The following STT3A variants were observed in gnomAD, a reference collection of about 807,000 sequenced individuals.
STT3A encodes dolichyl-diphosphooligosaccharide--protein glycosyltransferase subunit STT3A.
Under a neutral mutation model 89.2 loss-of-function variants are expected in STT3A, and 34 were observed. The observed-to-expected ratio is 0.38, with a 90% CI of 0.29 to 0.51. The LOEUF is 0.51. Ranked by LOEUF, STT3A falls within the 20% of genes least tolerant of loss-of-function variation. The pLI, the probability that STT3A is intolerant of heterozygous loss-of-function variation, is 0.89. For missense variants in STT3A, 555 were observed against 889.5 expected, an observed-to-expected ratio of 0.62 and a Z score of 4.78; for synonymous variants, 282 against 310.3, an observed-to-expected ratio of 0.91 and a Z score of 0.96.
intron 6 of STT3A, 57 bp from the exon 7 acceptor site, chr11:125,605,572 C>T: frequency 7.6e-7 from 1 of 1,314,024 alleles, no homozygotes; most frequent in East Asian, 2.3e-5. Flanking sequence ...GAACAGTATT[C>T]TTAATGACTA....
intron 2 of STT3A, 48 bp downstream of exon 2, chr11:125,596,051 AGTCT>A (rs1381929970): frequency 6.9e-7 from 1 of 1,443,300 alleles, no homozygotes; most frequent in Admixed American, 2.1e-5. Context: ...GAAAGAAGAA[AGTCT>A]AGAAAAAAAT....
rs1051716 is a variant in STT3A, at chr11:125,608,138, C to T, written c.810C>T (p.Ala270=). 5.0e-6 allele frequency: 8 copies of T among 1,612,928 alleles called. No homozygotes were observed. The highest frequency in any genetic ancestry group is 2.2e-5 in the East Asian group (1 of 44,878). The change falls in exon 9 of 18, where the codon GCC becomes GCT. Residue 270 remains alanine, a synonymous_variant. Coordinates refer to ENST00000392708, the MANE Select transcript of STT3A (RefSeq NM_152713.5). ...QPVLSSEHMA[A]FGVFGLCQIH... is the part of the protein sequence containing the mutation. ...TCCTTTCATCAGAGCACATGGCAGCCTTTGGGGTCTTTGGTCTCTGCCAGA... is the reference window on the plus strand; with the variant it reads ...TCCTTTCATCAGAGCACATGGCAGCTTTTGGGGTCTTTGGTCTCTGCCAGA...
chr11:125,621,050 A>AT lies in STT3A; in HGVS notation c.*247dup, dbSNP rs1163131392. The AT allele has an allele frequency of 1.3e-5, 5 of 398,380 alleles. No individual in the cohort carries two copies. The East Asian group carries it at 1.6e-4, about 12-fold the overall frequency. The allele number at this position is 398,380 out of a possible 1,614,324, so 24.7% of individuals were successfully genotyped here. On this transcript the variant is annotated 3_prime_UTR_variant, in exon 18 of 18. Transcript: ENST00000392708. ...TTACTTTGGTCAATTAAAGGGGGGAATTTTTTTAAAAAATGTGCCTTATTT... is the reference window on the plus strand; with the variant it reads ...TTACTTTGGTCAATTAAAGGGGGGAATTTTTTTTAAAAAATGTGCCTTATTT...
At position 125,618,455 on chromosome 11, in the gene STT3A, T is replaced by G. The variant is rs150432993; in HGVS notation, c.1857T>G (p.Thr619=). The G allele has an allele frequency of 6.2e-6, 10 of 1,613,794 alleles. No homozygotes were observed. The highest frequency in any genetic ancestry group is 8.5e-6 in the Non-Finnish European group (10 of 1,180,004). ...ATATCAAGGAGAATGACTATTATACTCCAACTGGGGAGTTCCGTGTGGACC... is the reference window on the plus strand; with the variant it reads ...ATATCAAGGAGAATGACTATTATACGCCAACTGGGGAGTTCCGTGTGGACC... ...GKHIKENDYY[T]PTGEFRVDRE... The change falls in exon 16 of 18, where the codon ACT becomes ACG. Residue 619 remains threonine (T), a synonymous_variant. Transcript: ENST00000392708.
chr11:125,606,169 G>A (rs1939829805), intron 7 of STT3A, 132 bp from the exon 8 acceptor site: 2 of 869,674 alleles, frequency 2.3e-6, no homozygotes, highest in East Asian at 2.5e-5. Context: ...AACTCTTTAA[G>A]CCATTTGGCA....
chr11:125,598,744 A>G (rs1297742225), intron 3 of STT3A, among the ~76,000 whole-genome samples: 1 of 152,138 alleles, frequency 6.6e-6, no homozygotes, highest in East Asian at 1.9e-4. Flanking sequence ...AGCTGGGACC[A>G]CAGGCATGTG....
At chr11:125,618,267 C>A (rs1283156650) in intron 15 of STT3A, 106 bp from the exon 16 acceptor site, 6 of 1,043,506 alleles carry the variant, frequency 5.7e-6, no homozygotes, top group Non-Finnish European at 8.1e-6. Context: ...TTAAATGATA[C>A]CAATCCCCAT....
chr11:125,612,191 C>G (rs1481985752), intron 11 of STT3A, among the ~76,000 whole-genome samples: 1 of 152,038 alleles, frequency 6.6e-6, no homozygotes, highest in Non-Finnish European at 1.5e-5. Flanking sequence ...CTCTTATATA[C>G]TTTAAATCAT....
chr11:125,615,465 C>A (rs1940152508), intron 15 of STT3A, among the ~76,000 whole-genome samples: 1 of 151,578 alleles, frequency 6.6e-6, no homozygotes, highest in Admixed American at 6.6e-5. Flanking sequence ...TGGGTTCAAC[C>A]AACCACAAAT....
chr11:125,606,517 CCAACTAGACTGAT>C (rs1445415889), intron 8 of STT3A, 52 bp downstream of exon 8: 9 of 1,535,674 alleles, frequency 5.9e-6, no homozygotes, highest in Middle Eastern at 3.5e-4. Flanking sequence ...CTATGCAGCC[CCAACTAGACTGAT>C]TTATCTTAGA....
chr11:125,615,527 TA>T (rs1321721628), intron 15 of STT3A, among the ~76,000 whole-genome samples: 11 of 151,996 alleles, frequency 7.2e-5, no homozygotes, highest in African/African-American at 2.4e-4. Context: ...ATCATACAAA[TA>T]AAAAATACAG....
chr11:125,611,753 G>T (rs979180113), intron 11 of STT3A, among the ~76,000 whole-genome samples: 2 of 150,852 alleles, frequency 1.3e-5, no homozygotes, highest in African/African-American at 4.9e-5. Flanking sequence ...AAGCATTTTT[G>T]CACTTTGTTG....
Position 125,604,123 on chromosome 11 carries a change from G to A in STT3A, c.418-34G>A, listed in dbSNP as rs188206689. ...TCTGTTCTTTCTCAGCATTGTATTG[G>A]TGTTAATGTCTTATTACCCTTTTTT... On this transcript the variant is annotated intron_variant, in intron 5 of 17. Transcript: ENST00000392708. 6,600 of 1,602,496 alleles carry A rather than the reference G, an allele frequency of 4.1e-3. 27 individuals are homozygous for A. Among genetic ancestry groups the A allele is most frequent in the Non-Finnish European group, 5.1e-3 (5,918 of 1,169,794 alleles).
At chr11:125,618,668 C>T in intron 16 of STT3A, 107 bp downstream of exon 16, 1 of 1,107,004 alleles carries the variant, frequency 9.0e-7, no homozygotes, top group South Asian at 1.7e-5. Context: ...TCTGTTAACT[C>T]ATTTAATCCT....
chr11:125,596,003 T>A lies in STT3A; in HGVS notation c.88T>A (p.Ser30Thr). ...LLILSMAAVL[S>T]FSTRLFAVLR... ...CATTCTGTCAATGGCTGCTGTATTA[T>A]GTGAGTGTGCATGTGAACCTCTCTT... is the stretch of plus-strand genomic sequence containing the variant. The change falls in exon 2 of 18, where the codon TCC (serine) becomes ACC (threonine). Residue 30 changes from serine to threonine, a missense_variant and splice_region_variant. Transcript: ENST00000392708. 2 of 1,609,558 alleles carry A rather than the reference T, an allele frequency of 1.2e-6. No individual in the cohort carries two copies. Among genetic ancestry groups the A allele is most frequent in the Non-Finnish European group, 1.7e-6 (2 of 1,176,756 alleles).
rs748782267 is a variant in STT3A at position 125,614,218 on chromosome 11, T to C, written c.1671+15T>C. 1.2e-6 allele frequency: 2 copies of C among 1,613,262 alleles called. No homozygotes were observed. The highest frequency in any genetic ancestry group is 2.2e-5 in the South Asian group (2 of 91,066). ...GAGTAGGGCAGGTAAGATAAAGGGA[T>C]GATCTTTGAGTGTTTGGTGTACAAG... On this transcript the variant is annotated intron_variant, in intron 14 of 17. Coordinates refer to ENST00000392708, the MANE Select transcript of STT3A (RefSeq NM_152713.5). This position sits in a 1 kb window ranked among gnomAD's most constrained non-coding sequence, Gnocchi z 4.9.
chr11:125,619,049 T>C (rs1162300608), intron 16 of STT3A, among the ~76,000 whole-genome samples: 1 of 151,602 alleles, frequency 6.6e-6, no homozygotes, highest in African/African-American at 2.4e-5. Flanking sequence ...TATTTTTGTT[T>C]TGTTTTGTTT....
chr11:125,600,398 G>T (rs1168132540), intron 3 of STT3A, among the ~76,000 whole-genome samples: 2 of 149,184 alleles, frequency 1.3e-5, no homozygotes, highest in Non-Finnish European at 3.0e-5. Flanking sequence ...GTCTTGCTCT[G>T]TCACCAGGCT....
chr11:125,610,057 C>CT lies in STT3A; in HGVS notation c.1117+491dup, dbSNP rs66578574. ...TTTTCTCTTAAAAAATAACTTTTAC[C>CT]TTTTTTTTTTTTTTTTTTTTTTTGA... On this transcript the variant is annotated intron_variant, in intron 10 of 17. Coordinates refer to ENST00000392708, the MANE Select transcript of STT3A (RefSeq NM_152713.5). 8.9e-3 allele frequency among the ~76,000 whole-genome samples: 940 copies of CT among 105,830 alleles called. 22 individuals are homozygous for CT. Among genetic ancestry groups the CT allele is most frequent in the African/African-American group, 0.024 (699 of 29,582 alleles). The allele number at this position is 105,830 out of a possible 152,430, so 69.4% of individuals were successfully genotyped here. A position where few individuals can be genotyped will look rare whatever the true frequency, so the allele number is the denominator to read the frequency against.
Sources: gnomAD v4.1 joint callset for allele counts (sites outside exome capture counted in the v4.1 genomes callset) on GRCh38, gnomAD v4.1.1 for gene constraint, Gnocchi (gnomAD v3.1) non-coding constraint, MANE v1.5 for transcripts, NCBI Gene and HGNC (gene_info 2026-07-23, HGNC 2026-07-21) for gene names.